Variants in CNTNAP5 observed in about 807,000 individuals in gnomAD.
CNTNAP5 encodes contactin-associated protein-like 5.
CNTNAP5 carries 72 observed loss-of-function variants against 150.2 expected under a neutral mutation model. The ratio of observed to expected loss-of-function variants is 0.48; its 90% confidence interval spans 0.40 to 0.58. CNTNAP5 has a LOEUF of 0.58. Among genes scored for constraint, CNTNAP5 ranks in the 20% least tolerant of loss-of-function variants. CNTNAP5 has a pLI of 0.00. For synonymous variants in CNTNAP5, 672 were observed against 619.8 expected, an observed-to-expected ratio of 1.08 and a Z score of -1.25; for missense variants, 1,636 against 1,626.2, an observed-to-expected ratio of 1.01 and a Z score of -0.10.
chr2:124,835,794 A>G (rs1012494563), intron 19 of CNTNAP5, among the ~76,000 whole-genome samples: 1 of 152,150 alleles, frequency 6.6e-6, no homozygotes, highest in African/African-American at 2.4e-5. Flanking sequence ...AGGTTAGATG[A>G]CTTGTCAAAA....
chr2:124,051,999 TA>T (rs1475050994), intron 1 of CNTNAP5, among the ~76,000 whole-genome samples: 1 of 152,104 alleles, frequency 6.6e-6, no homozygotes, highest in Non-Finnish European at 1.5e-5. Context: ...AAAAGTAGAA[TA>T]AAGAAAATAA....
intron 3 of CNTNAP5, among the ~76,000 whole-genome samples, chr2:124,362,518 AT>A (rs1690241498): frequency 6.6e-6 from 1 of 152,066 alleles, no homozygotes. Context: ...TCCTACCTTT[AT>A]TTTTTAAATC....
At chr2:124,339,874 C>T (rs1198023241) in intron 3 of CNTNAP5, among the ~76,000 whole-genome samples, 1 of 151,934 alleles carries the variant, frequency 6.6e-6, no homozygotes. Context: ...CCTGAGTCTG[C>T]CTCTGTGTGG....
At chr2:124,039,245 T>A (rs1175289652) in intron 1 of CNTNAP5, among the ~76,000 whole-genome samples, 1 of 152,212 alleles carries the variant, frequency 6.6e-6, no homozygotes, top group African/African-American at 2.4e-5. Context: ...TTCCAGGCAT[T>A]CCCTTGGGAC....
At chr2:124,465,731 T>A (rs1425807160) in intron 6 of CNTNAP5, among the ~76,000 whole-genome samples, 1 of 152,182 alleles carries the variant, frequency 6.6e-6, no homozygotes, top group African/African-American at 2.4e-5. Flanking sequence ...GTGAAATATC[T>A]CAATGCAAAA....
At chr2:124,281,690 A>T (rs528939046) in intron 3 of CNTNAP5, among the ~76,000 whole-genome samples, 1 of 152,284 alleles carries the variant, frequency 6.6e-6, no homozygotes, top group East Asian at 1.9e-4. Flanking sequence ...CCAATTAGGT[A>T]AGAACAGGAG....
intron 1 of CNTNAP5, among the ~76,000 whole-genome samples, chr2:124,171,211 C>A (rs1388365164): frequency 6.6e-6 from 1 of 152,166 alleles, no homozygotes. Context: ...CTGTCCTCTG[C>A]AAATGCTCTT....
intron 3 of CNTNAP5, among the ~76,000 whole-genome samples, chr2:124,292,510 T>G (rs1005542934): frequency 1.3e-5 from 2 of 152,030 alleles, no homozygotes; most frequent in African/African-American, 2.4e-5. Context: ...TTGATAGAGC[T>G]CCTATTTTTA....
intron 13 of CNTNAP5, among the ~76,000 whole-genome samples, chr2:124,691,644 C>T (rs1375708564): frequency 1.3e-5 from 2 of 152,078 alleles, no homozygotes; most frequent in South Asian, 4.1e-4. Context: ...ATAGCACAGT[C>T]GCTGGCACCT....
chr2:124,855,652 CAA>C (rs1447675302), intron 19 of CNTNAP5, among the ~76,000 whole-genome samples: 1 of 152,076 alleles, frequency 6.6e-6, no homozygotes. Flanking sequence ...AGTCCCAGCT[CAA>C]GATACTGAAT....
At chr2:124,093,278 T>G (rs2104688261) in intron 1 of CNTNAP5, among the ~76,000 whole-genome samples, 2 of 152,350 alleles carry the variant, frequency 1.3e-5, no homozygotes, top group Middle Eastern at 6.8e-3. Context: ...TGTCCTTATC[T>G]GTGAAATGGG....
intron 19 of CNTNAP5, among the ~76,000 whole-genome samples, chr2:124,854,605 T>A (rs1371481464): frequency 6.6e-6 from 1 of 152,354 alleles, no homozygotes; most frequent in East Asian, 1.9e-4. Context: ...AGGCATTGAA[T>A]AAATGTTAGT....
intron 1 of CNTNAP5, among the ~76,000 whole-genome samples, chr2:124,121,451 C>A (rs573794213): frequency 1.6e-4 from 25 of 152,068 alleles, no homozygotes; most frequent in Non-Finnish European, 3.2e-4. Context: ...TTGGTTTCAC[C>A]GACATCAGCA....
intron 3 of CNTNAP5, among the ~76,000 whole-genome samples, chr2:124,357,410 GGTTTT>G (rs1322893797): frequency 6.6e-6 from 1 of 151,826 alleles, no homozygotes; most frequent in Non-Finnish European, 1.5e-5. Flanking sequence ...GTAATGCCTA[GGTTTT>G]CTTCTAGGGT....
intron 6 of CNTNAP5, among the ~76,000 whole-genome samples, chr2:124,460,463 C>T (rs1436188815): frequency 1.3e-5 from 2 of 152,104 alleles, no homozygotes; most frequent in Non-Finnish European, 2.9e-5. Context: ...CTTTATAATA[C>T]ATAATTAAAT....
chr2:124,812,307 T>C (rs1682253763), intron 19 of CNTNAP5, among the ~76,000 whole-genome samples: 1 of 149,848 alleles, frequency 6.7e-6, no homozygotes, highest in Non-Finnish European at 1.5e-5. Flanking sequence ...TTAATCTCCA[T>C]GAGCTACCTA....
At chr2:124,036,149 C>T (rs1360579046) in intron 1 of CNTNAP5, among the ~76,000 whole-genome samples, 5 of 151,466 alleles carry the variant, frequency 3.3e-5, no homozygotes, top group African/African-American at 7.3e-5. Context: ...TGGTCTCGAT[C>T]TCCTGACCTC....
intron 12 of CNTNAP5, among the ~76,000 whole-genome samples, chr2:124,620,286 A>G (rs1677584335): frequency 1.3e-5 from 2 of 152,162 alleles, no homozygotes; most frequent in Admixed American, 1.3e-4. Context: ...TCTTTGACTC[A>G]AGCCCTGTTC....
chr2:124,560,735 C>G (rs1695872275), intron 10 of CNTNAP5, among the ~76,000 whole-genome samples: 1 of 152,000 alleles, frequency 6.6e-6, no homozygotes, highest in South Asian at 2.1e-4. Context: ...TTAGGAAGTT[C>G]ACGGGTGCAA....
Sources: allele counts gnomAD v4.1 joint callset (sites outside exome capture counted in the v4.1 genomes callset), GRCh38; gene constraint gnomAD v4.1.1; transcripts MANE v1.5; gene names NCBI Gene and HGNC (gene_info 2026-07-23, HGNC 2026-07-21).